OSTC: variants seen among roughly 807,000 people sequenced by gnomAD.
OSTC encodes oligosaccharyltransferase complex non-catalytic subunit.
A neutral mutation model predicts 16.4 loss-of-function variants in OSTC; 16 were observed. The observed-to-expected ratio is 0.98, with a 90% CI of 0.66 to 1.49. The LOEUF is 1.49. Ranked by LOEUF, OSTC falls within the 40% of genes most tolerant of loss-of-function variation. The pLI, the probability that OSTC is intolerant of heterozygous loss-of-function variation, is 0.00. For synonymous variants in OSTC, 67 were observed against 68.5 expected (o/e 0.98, Z 0.11); for missense variants, 139 against 186.3 (o/e 0.75, Z 1.48).
chr4:108,662,124 C>T (rs560162012), intron 3 of OSTC, among the ~76,000 whole-genome samples: 1 of 152,258 alleles, frequency 6.6e-6, no homozygotes, highest in Admixed American at 6.5e-5. Context: ...TTAGCAATTT[C>T]ACCTAGTGTT....
In OSTC at chr4:108,662,763, GC is replaced by G. The variant is rs200331338; in HGVS notation, c.432-4483del. ...TCTTTCATTTCCTTCCAGATTTGGA[GC>G]TATATTTTAGAGAGTTAAGGCTGTA... On this transcript the variant is annotated intron_variant, in intron 3 of 3. Transcript: ENST00000361564. Among the ~76,000 whole-genome samples the G allele has an allele frequency of 5.5e-3, 832 of 152,298 alleles. 5 individuals carry two copies. The highest frequency in any genetic ancestry group is 0.019 in the African/African-American group (791 of 41,560).
At chr4:108,665,323 T>TAA (rs1381464058) in intron 3 of OSTC, among the ~76,000 whole-genome samples, 1 of 152,114 alleles carries the variant, frequency 6.6e-6, no homozygotes, top group Non-Finnish European at 1.5e-5. Context: ...CCCTTTGAGG[T>TAA]AACTCCATTT....
rs185271573 is a variant in OSTC at position 108,658,779 on chromosome 4, C to A, written c.431+1132C>A. 4.3e-4 allele frequency among the ~76,000 whole-genome samples: 65 copies of A among 152,048 alleles called. No individual in the cohort carries two copies. In the East Asian group the frequency reaches 9.5e-3, roughly 22 times the overall value. ...TTAGTGTGTTTGAATTTTACAAATT[C>A]ACTTGTTCTGTGACTTAACCTGTCC... On this transcript the variant is annotated intron_variant, in intron 3 of 3. Transcript: ENST00000361564.
Position 108,652,369 on chromosome 4 carries a change from C to T in OSTC, c.139+1575C>T, listed in dbSNP as rs1324775099. The T allele has an allele frequency of 2.0e-5, 3 of 152,108 alleles. No individual in the cohort carries two copies. The East Asian group carries it at 5.8e-4, about 29-fold the overall frequency. The allele number at this position is 152,108 out of a possible 1,614,324, so 9.4% of individuals were successfully genotyped here. On this transcript the variant is annotated intron_variant, in intron 1 of 3. Coordinates refer to ENST00000361564, the MANE Select transcript of OSTC (RefSeq NM_021227.4). Reference sequence around the variant, plus strand: ...ACTTCCCTTGGAGTCGGATTCTTTGCGAGAAGCCTCAGTTTTCTTTGTGGC... The same window carrying T: ...ACTTCCCTTGGAGTCGGATTCTTTGTGAGAAGCCTCAGTTTTCTTTGTGGC...
intron 3 of OSTC, among the ~76,000 whole-genome samples, chr4:108,658,429 GTGTGTGTGTGTGTGTGTA>G (rs1219793727): frequency 1.3e-5 from 2 of 151,486 alleles, no homozygotes; most frequent in Admixed American, 1.3e-4. Flanking sequence ...ATATATTTGT[GTGTGTGTGTGTGTGTGTA>G]TGTGTGCGTG....
At chr4:108,661,843 C>T (rs946201686) in intron 3 of OSTC, among the ~76,000 whole-genome samples, 2 of 152,134 alleles carry the variant, frequency 1.3e-5, no homozygotes, top group Admixed American at 1.3e-4. Context: ...AAGTGATCTG[C>T]CTGCCTCAGC....
chr4:108,651,071 G>A (rs571407380), intron 1 of OSTC: 4 of 377,464 alleles, frequency 1.1e-5, no homozygotes, highest in African/African-American at 6.1e-5. Context: ...TATTTTTCAA[G>A]GCCAAATTGT....
chr4:108,657,441 C>A lies in OSTC; in HGVS notation c.234-9C>A. 1 of 1,599,304 alleles carries A rather than the reference C, an allele frequency of 6.3e-7. No individual in the cohort carries two copies. On this transcript the variant is annotated splice_polypyrimidine_tract_variant and intron_variant, in intron 2 of 3. Transcript: ENST00000361564. ...GTTATCTTTCTATGGTCATTCTTTT[C>A]TTTTCCAGAGTAAATGGACAATATA...
intron 3 of OSTC, among the ~76,000 whole-genome samples, chr4:108,662,490 T>G (rs1726881747): frequency 6.6e-6 from 1 of 152,238 alleles, no homozygotes; most frequent in African/African-American, 2.4e-5. Flanking sequence ...TGAGGTCATT[T>G]TACATTTCTG....
At chr4:108,651,059 T>C (rs1726527080) in intron 1 of OSTC, 1 of 419,860 alleles carries the variant, frequency 2.4e-6, no homozygotes, top group Non-Finnish European at 4.3e-6. Flanking sequence ...CCGAGTCAAA[T>C]ATATTTTTCA....
At chr4:108,657,789 C>G in intron 3 of OSTC, 142 bp downstream of exon 3, 2 of 717,632 alleles carry the variant, frequency 2.8e-6, no homozygotes, top group Admixed American at 2.9e-5. Context: ...GTAACTTGGT[C>G]AGGTTACAGC....
chr4:108,656,352 A>T (rs1272575771), intron 2 of OSTC, among the ~76,000 whole-genome samples: 6 of 151,882 alleles, frequency 4.0e-5, no homozygotes, highest in African/African-American at 1.2e-4. Flanking sequence ...TGTGGAGGGG[A>T]GTTAATGACA....
intron 2 of OSTC, among the ~76,000 whole-genome samples, chr4:108,656,857 T>C (rs1372826634): frequency 1.3e-5 from 2 of 152,170 alleles, no homozygotes; most frequent in Non-Finnish European, 2.9e-5. Flanking sequence ...CCCAGCACTT[T>C]GGGAGGCCGA....
intron 1 of OSTC, 34 bp from the exon 2 acceptor site, chr4:108,655,530 T>TA (rs1435536074): frequency 7.6e-7 from 1 of 1,315,616 alleles, no homozygotes; most frequent in Non-Finnish European, 1.1e-6. Flanking sequence ...AAATTAGTAA[T>TA]ACAATCTAAT....
chr4:108,653,085 G>A (rs1365694073), intron 1 of OSTC, among the ~76,000 whole-genome samples: 1 of 152,116 alleles, frequency 6.6e-6, no homozygotes, highest in African/African-American at 2.4e-5. Context: ...GGTGGCGCAC[G>A]CCTGTAGTCC....
At chr4:108,661,671 C>T (rs1283238530) in intron 3 of OSTC, among the ~76,000 whole-genome samples, 1 of 152,196 alleles carries the variant, frequency 6.6e-6, no homozygotes, top group Non-Finnish European at 1.5e-5. Context: ...GGTCTCGGCT[C>T]ACTGCTACCT....
Position 108,657,441 on chromosome 4 carries a change from C to G in OSTC, c.234-9C>G. The G allele has an allele frequency of 6.3e-7, 1 of 1,599,306 alleles. No homozygotes were observed. Among genetic ancestry groups the G allele is most frequent in the South Asian group, 1.1e-5 (1 of 90,210 alleles). ...GTTATCTTTCTATGGTCATTCTTTTCTTTTCCAGAGTAAATGGACAATATA... is the reference window on the plus strand; with the variant it reads ...GTTATCTTTCTATGGTCATTCTTTTGTTTTCCAGAGTAAATGGACAATATA... On this transcript the variant is annotated splice_polypyrimidine_tract_variant and intron_variant, in intron 2 of 3. Transcript: ENST00000361564.
intron 3 of OSTC, among the ~76,000 whole-genome samples, chr4:108,662,764 C>T (rs1337877888): frequency 6.6e-6 from 1 of 150,466 alleles, no homozygotes; most frequent in Non-Finnish European, 1.5e-5. Context: ...AGATTTGGAG[C>T]TATATTTTAG....
intron 1 of OSTC, among the ~76,000 whole-genome samples, chr4:108,654,457 T>TGG (rs1726644287): frequency 6.6e-6 from 1 of 152,134 alleles, no homozygotes; most frequent in Admixed American, 6.5e-5. Context: ...CAAGTGGGAA[T>TGG]GGACTCCTGG....
Sources: allele counts gnomAD v4.1 joint callset (sites outside exome capture counted in the v4.1 genomes callset), GRCh38; gene constraint gnomAD v4.1.1; transcripts MANE v1.5; gene names NCBI Gene and HGNC (gene_info 2026-07-23, HGNC 2026-07-21).